Variants in FSTL5 observed in about 807,000 individuals in gnomAD.
The protein encoded by FSTL5 is follistatin-related protein 5.
Under a neutral mutation model 89.1 loss-of-function variants are expected in FSTL5, and 62 were observed. The observed-to-expected ratio is 0.70, with a 90% CI of 0.57 to 0.86. The LOEUF is 0.86. Among genes scored for constraint, FSTL5 ranks in the 40% least tolerant of loss-of-function variants. FSTL5 has a pLI of 0.00. For synonymous variants in FSTL5, 383 were observed against 346.2 expected (o/e 1.11, Z -1.18); for missense variants, 1,057 against 1,001.6 (o/e 1.06, Z -0.75).
At chr4:161,569,742 TTA>T (rs1276779120) in intron 8 of FSTL5, among the ~76,000 whole-genome samples, 2 of 140,998 alleles carry the variant, frequency 1.4e-5, no homozygotes, top group Non-Finnish European at 3.0e-5. Context: ...AATGAGATCT[TTA>T]AGTCCAACAC....
At position 161,632,100 on chromosome 4, in the gene FSTL5, G is replaced by A. The variant is rs34904516; in HGVS notation, c.894+24228C>T. ...AATTTTTAAGAGAAAGATAGATTCA[G>A]CCAGGCATGGTGGCTCACACCTGTA... is the stretch of plus-strand genomic sequence containing the variant. On this transcript the variant is annotated intron_variant, in intron 7 of 15. Transcript: ENST00000306100. Among the ~76,000 whole-genome samples, 1,083 of 152,252 alleles carry A rather than the reference G, an allele frequency of 7.1e-3. 11 individuals carry two copies. Among genetic ancestry groups the A allele is most frequent in the African/African-American group, 0.025 (1,018 of 41,544 alleles).
At chr4:162,038,429 G>A (rs1387966985) in intron 2 of FSTL5, among the ~76,000 whole-genome samples, 1 of 151,748 alleles carries the variant, frequency 6.6e-6, no homozygotes, top group Non-Finnish European at 1.5e-5. Context: ...CAACAATATG[G>A]TATCTTAAAT....
At chr4:161,457,773 CAA>C (rs1482503027) in intron 14 of FSTL5, among the ~76,000 whole-genome samples, 3 of 151,870 alleles carry the variant, frequency 2.0e-5, no homozygotes, top group Admixed American at 6.6e-5. Flanking sequence ...ATTTATCTTG[CAA>C]AGAGTATACT....
chr4:162,011,579 T>C (rs1419500973), intron 3 of FSTL5, among the ~76,000 whole-genome samples: 1 of 152,016 alleles, frequency 6.6e-6, no homozygotes, highest in Non-Finnish European at 1.5e-5. Context: ...CTGAAAACTC[T>C]GCCTCCCAGG....
At chr4:161,890,417 C>T (rs115460205) in intron 4 of FSTL5, among the ~76,000 whole-genome samples, 7,079 of 152,112 alleles carry the variant, frequency 0.047, 211 homozygotes, top group Non-Finnish European at 0.07. Context: ...TTCTCGAGCA[C>T]GGTGGCTCAC....
intron 1 of FSTL5, among the ~76,000 whole-genome samples, chr4:162,122,207 T>G (rs1731896020): frequency 6.6e-6 from 1 of 152,056 alleles, no homozygotes; most frequent in African/African-American, 2.4e-5. Context: ...AAAGTACTTT[T>G]AATAGCAGCA....
intron 15 of FSTL5, among the ~76,000 whole-genome samples, chr4:161,421,134 G>A (rs1188889986): frequency 2.0e-5 from 3 of 152,090 alleles, no homozygotes; most frequent in African/African-American, 4.8e-5. Flanking sequence ...GAGGTCAGGA[G>A]ATCGAGACCA....
chr4:162,064,788 C>T (rs140331595), intron 2 of FSTL5, among the ~76,000 whole-genome samples: 362 of 152,082 alleles, frequency 2.4e-3, no homozygotes, highest in African/African-American at 8.2e-3. Flanking sequence ...ACTGAAATTA[C>T]GTACTCTTTG....
intron 8 of FSTL5, among the ~76,000 whole-genome samples, chr4:161,556,073 T>C (rs1350805626): frequency 6.6e-6 from 1 of 151,592 alleles, no homozygotes; most frequent in Admixed American, 6.6e-5. Context: ...GTAAACCCTG[T>C]CTAAATACAA....
At chr4:161,887,885 C>T (rs966229060) in intron 4 of FSTL5, among the ~76,000 whole-genome samples, 2 of 152,106 alleles carry the variant, frequency 1.3e-5, no homozygotes, top group Admixed American at 1.3e-4. Flanking sequence ...TAACACCTTG[C>T]CAAGCAAATC....
intron 10 of FSTL5, among the ~76,000 whole-genome samples, chr4:161,533,290 GT>G (rs1013467214): frequency 1.3e-5 from 2 of 151,612 alleles, no homozygotes; most frequent in African/African-American, 4.8e-5. Flanking sequence ...GCAAGAGTTT[GT>G]TTTTTAAAAG....
intron 2 of FSTL5, among the ~76,000 whole-genome samples, chr4:162,086,598 T>C (rs527718136): frequency 7.9e-5 from 12 of 152,146 alleles, no homozygotes; most frequent in Admixed American, 2.0e-4. Flanking sequence ...TTTTTATTAC[T>C]TTTTTAATGC....
chr4:161,660,510 GGTTT>G (rs1736669439), intron 6 of FSTL5, among the ~76,000 whole-genome samples: 1 of 151,948 alleles, frequency 6.6e-6, no homozygotes, highest in South Asian at 2.1e-4. Context: ...TACATGTATG[GGTTT>G]GTTACATAGG....
At chr4:161,458,329 A>G (rs552497413) in intron 14 of FSTL5, among the ~76,000 whole-genome samples, 2 of 152,354 alleles carry the variant, frequency 1.3e-5, no homozygotes, top group East Asian at 3.9e-4. Context: ...GTTTCAAATG[A>G]CACATATTTC....
intron 15 of FSTL5, among the ~76,000 whole-genome samples, chr4:161,430,228 C>T (rs1035390089): frequency 3.3e-5 from 5 of 151,254 alleles, no homozygotes; most frequent in Non-Finnish European, 7.4e-5. Context: ...AAGAATGAAG[C>T]ACATCTACGA....
intron 4 of FSTL5, among the ~76,000 whole-genome samples, chr4:161,777,610 C>A (rs970951474): frequency 6.6e-6 from 1 of 151,416 alleles, no homozygotes; most frequent in Non-Finnish European, 1.5e-5. Flanking sequence ...TTTTTAGGGC[C>A]CCTGGTATAT....
At chr4:161,779,821 A>ACATATATG (rs1741589498) in intron 4 of FSTL5, among the ~76,000 whole-genome samples, 1 of 63,362 alleles carries the variant, frequency 1.6e-5, no homozygotes, top group Non-Finnish European at 2.7e-5. Context: ...GTATATATAT[A>ACATATATG]TATATATATA....
chr4:161,835,228 G>A (rs1163951325), intron 4 of FSTL5, among the ~76,000 whole-genome samples: 2 of 151,878 alleles, frequency 1.3e-5, no homozygotes, highest in Non-Finnish European at 2.9e-5. Context: ...AATAAATGGT[G>A]CTGGGAAAAC....
intron 1 of FSTL5, among the ~76,000 whole-genome samples, chr4:162,143,039 T>G (rs1016714342): frequency 6.6e-6 from 1 of 152,190 alleles, no homozygotes; most frequent in Non-Finnish European, 1.5e-5. Context: ...ATTGTCATCA[T>G]CATTTAAAGC....
Sources: gnomAD v4.1 joint callset for allele counts (sites outside exome capture counted in the v4.1 genomes callset) on GRCh38, gnomAD v4.1.1 for gene constraint, MANE v1.5 for transcripts, NCBI Gene and HGNC (gene_info 2026-07-23, HGNC 2026-07-21) for gene names.